Variants in HECW1 observed in about 807,000 individuals in gnomAD.
HECW1 encodes HECT, C2 and WW domain containing E3 ubiquitin protein ligase 1, also known as E3 ubiquitin-protein ligase HECW1.
Under a neutral mutation model 182.3 loss-of-function variants are expected in HECW1, and 61 were observed. The observed-to-expected ratio is 0.33, with a 90% CI of 0.27 to 0.41. The LOEUF (loss-of-function observed/expected upper bound fraction) is 0.41, where lower values mean the gene tolerates loss of function less well. Among genes scored for constraint, HECW1 ranks in the 10% least tolerant of loss-of-function variants. The pLI is 1.00. For missense variants in HECW1, 1,739 were observed against 2,108.9 expected (o/e 0.82, Z 3.44); for synonymous variants, 859 against 832.6 (o/e 1.03, Z -0.55).
intron 2 of HECW1, among the ~76,000 whole-genome samples, chr7:43,162,620 G>T (rs767565914): frequency 2.0e-5 from 3 of 152,220 alleles, no homozygotes; most frequent in Non-Finnish European, 4.4e-5. Flanking sequence ...ATTAGGACAT[G>T]GACATATCTT....
chr7:43,556,511 A>T (rs1346716941), intron 29 of HECW1, among the ~76,000 whole-genome samples: 1 of 151,964 alleles, frequency 6.6e-6, no homozygotes, highest in South Asian at 2.1e-4. Context: ...ACAGGACAAG[A>T]CCTCGTCTCT....
rs1403535264 is a variant in HECW1 at position 43,407,690 on chromosome 7, A to G, written c.760A>G (p.Lys254Glu). The G allele has an allele frequency of 1.2e-6, 2 of 1,614,012 alleles. No individual in the cohort carries two copies. The highest frequency in any genetic ancestry group is 1.7e-6 in the Non-Finnish European group (2 of 1,179,966). Residue 254 changes from lysine (K) to glutamate (E), a missense_variant, in exon 8 of 30, where the codon AAG (lysine) becomes GAG (glutamate). Coordinates refer to ENST00000395891, the MANE Select transcript of HECW1 (RefSeq NM_015052.5). ...LPHHGQERRS[K>E]IIGNTVNPIW... ...TCACCATGGACAGGAGAGGAGATCCAAGATCATAGGCAACACCGTGAACCC... is the reference window on the plus strand; with the variant it reads ...TCACCATGGACAGGAGAGGAGATCCGAGATCATAGGCAACACCGTGAACCC...
chr7:43,362,055 C>T (rs1350106971), intron 6 of HECW1, among the ~76,000 whole-genome samples: 1 of 143,146 alleles, frequency 7.0e-6, no homozygotes. Context: ...GCAGAAGAAT[C>T]ACTTGAACCC....
chr7:43,279,257 G>C (rs1324647127), intron 3 of HECW1, among the ~76,000 whole-genome samples: 2 of 152,176 alleles, frequency 1.3e-5, no homozygotes, highest in East Asian at 3.8e-4. Flanking sequence ...TTTTGAACAA[G>C]TAGCAGACAA....
intron 2 of HECW1, among the ~76,000 whole-genome samples, chr7:43,179,796 A>G (rs770023021): frequency 2.6e-5 from 4 of 152,218 alleles, no homozygotes; most frequent in Admixed American, 1.3e-4. Flanking sequence ...CCTCAGTGTT[A>G]TATAAAAGAG....
At chr7:43,507,301 T>C (rs1366116953) in intron 22 of HECW1, 44 bp downstream of exon 22, 1 of 1,591,048 alleles carries the variant, frequency 6.3e-7, no homozygotes, top group Non-Finnish European at 8.6e-7. Flanking sequence ...CAGTAGATTT[T>C]TCAATCCCTT....
At position 43,404,007 on chromosome 7, in the gene HECW1, T is replaced by A. The variant is rs182283470; in HGVS notation, c.632-3555T>A. ...CGTAGCATTTACTTTTGGAAAATTC[T>A]AGAACTCTATGTGCTCTTATGGACA... On this transcript the variant is annotated intron_variant, in intron 7 of 29. Transcript: ENST00000395891. Among the ~76,000 whole-genome samples the A allele has an allele frequency of 3.9e-5, 6 of 152,332 alleles. No homozygotes were observed. In the East Asian group the frequency reaches 9.6e-4, roughly 24 times the overall value.
intron 19 of HECW1, among the ~76,000 whole-genome samples, chr7:43,495,733 G>A (rs1200187431): frequency 6.6e-6 from 1 of 152,224 alleles, no homozygotes; most frequent in Non-Finnish European, 1.5e-5. Context: ...CACTGCTGCA[G>A]AAGGCAGAGT....
In HECW1 at chr7:43,543,781, CAAAA is replaced by C. The variant is rs35618213; in HGVS notation, c.4248+1797_4248+1800del. Among the ~76,000 whole-genome samples, 5 of 49,640 alleles carry C rather than the reference CAAAA, an allele frequency of 1.0e-4. No individual in the cohort carries two copies. The Admixed American group carries it at 1.1e-3, about 11-fold the overall frequency. The allele number at this position is 49,640 out of a possible 152,430, so 32.6% of individuals were successfully genotyped here. ...GCAACAAGAGCAAAACTCCATCTCA[CAAAA>C]AAAAAAAAAAAAAGAAAAAAAAAGA... On this transcript the variant is annotated intron_variant, in intron 26 of 29. Coordinates refer to ENST00000395891, the MANE Select transcript of HECW1 (RefSeq NM_015052.5).
chr7:43,231,958 C>T (rs1440615699), intron 2 of HECW1, among the ~76,000 whole-genome samples: 1 of 144,628 alleles, frequency 6.9e-6, no homozygotes, highest in Non-Finnish European at 1.5e-5. Context: ...GGAGGCGGAG[C>T]TTGCAGTGAG....
intron 5 of HECW1, among the ~76,000 whole-genome samples, chr7:43,359,161 T>C (rs1815547998): frequency 6.6e-6 from 1 of 152,206 alleles, no homozygotes; most frequent in Non-Finnish European, 1.5e-5. Context: ...ACTGTAATAT[T>C]CGTATCTACA....
intron 4 of HECW1, among the ~76,000 whole-genome samples, chr7:43,319,904 C>T (rs1190434445): frequency 6.6e-6 from 1 of 151,480 alleles, no homozygotes; most frequent in Non-Finnish European, 1.5e-5. Flanking sequence ...TGAGCCACTG[C>T]ACCCCGCCTC....
intron 18 of HECW1, 86 bp from the exon 19 acceptor site, chr7:43,492,998 T>C: frequency 1.2e-6 from 1 of 833,160 alleles, no homozygotes; most frequent in Non-Finnish European, 1.9e-6. Context: ...TCATTAATCC[T>C]GGTATCAAGC....
chr7:43,186,394 G>A (rs972108942), intron 2 of HECW1, among the ~76,000 whole-genome samples: 5 of 152,118 alleles, frequency 3.3e-5, no homozygotes, highest in South Asian at 2.1e-4. Flanking sequence ...ATGGCTGGGC[G>A]CAGTGGCTCA....
At chr7:43,117,536 A>G (rs1344048744) in intron 2 of HECW1, among the ~76,000 whole-genome samples, 2 of 151,638 alleles carry the variant, frequency 1.3e-5, no homozygotes, top group Non-Finnish European at 2.9e-5. Flanking sequence ...AAGTTAAGAC[A>G]CAATGAGATA....
At chr7:43,442,034 C>T (rs1472972191) in intron 9 of HECW1, among the ~76,000 whole-genome samples, 4 of 152,216 alleles carry the variant, frequency 2.6e-5, no homozygotes, top group African/African-American at 7.2e-5. Flanking sequence ...ATACACAACA[C>T]GATACTTTCG....
chr7:43,209,642 T>G (rs1035178035), intron 2 of HECW1, among the ~76,000 whole-genome samples: 1 of 152,160 alleles, frequency 6.6e-6, no homozygotes. Context: ...AGGCTACAAC[T>G]GGGTAAGATT....
In HECW1 at chr7:43,493,084, C is replaced by CAT; in HGVS notation, c.3345_3346dup (p.Asn1116IlefsTer25). On this transcript the variant is annotated frameshift_variant and splice_region_variant, in exon 19 of 30. Transcript: ENST00000395891. LOFTEE classifies it high-confidence loss of function. ...ACAACTGTGCTTTTGTCTGTTTCAG[C>CAT]ATATAATGACAAGATTGTGGCATTT... 1 of 1,608,620 alleles carries CAT rather than the reference C, an allele frequency of 6.2e-7. No individual in the cohort carries two copies. The highest frequency in any genetic ancestry group is 8.5e-7 in the Non-Finnish European group (1 of 1,175,436).
At position 43,501,297 on chromosome 7, in the gene HECW1, C is replaced by T; in HGVS notation, c.3606C>T (p.Pro1202=). 6.2e-7 allele frequency: 1 copy of T among 1,607,956 alleles called. No homozygotes were observed. The highest frequency in any genetic ancestry group is 2.2e-5 in the East Asian group (1 of 44,808). Residue 1202 remains proline, a synonymous_variant, in exon 21 of 30, where the codon CCC becomes CCT. Coordinates refer to ENST00000395891, the MANE Select transcript of HECW1 (RefSeq NM_015052.5). The part of the protein sequence containing the change: ...PGYSFSPRCS[P]CSSPQNSPGL... ...ATAGCTTCTCTCCCCGATGTTCACCCTGTTCTTCACCTCAGAACTCCCCAG... is the reference window on the plus strand; with the variant it reads ...ATAGCTTCTCTCCCCGATGTTCACCTTGTTCTTCACCTCAGAACTCCCCAG...
Sources: gnomAD v4.1 joint callset for allele counts (sites outside exome capture counted in the v4.1 genomes callset) on GRCh38, gnomAD v4.1.1 for gene constraint, MANE v1.5 for transcripts, NCBI Gene and HGNC (gene_info 2026-07-23, HGNC 2026-07-21) for gene names.